Variants in ROR1 observed in about 807,000 individuals in gnomAD.
The protein encoded by ROR1 is ROR family WNT receptor 1.
Under a neutral mutation model 78.8 loss-of-function variants are expected in ROR1, and 19 were observed. That is an observed-to-expected ratio of 0.24 (90% CI 0.17 to 0.35). ROR1 has a LOEUF of 0.35. Among genes scored for constraint, ROR1 ranks in the 10% least tolerant of loss-of-function variants. The pLI is 1.00. For missense variants in ROR1, 917 were observed against 1,177.8 expected (o/e 0.78, Z 3.24); for synonymous variants, 386 against 433.6 (o/e 0.89, Z 1.36).
intron 1 of ROR1, among the ~76,000 whole-genome samples, chr1:63,794,007 G>A (rs1241955029): frequency 6.6e-6 from 1 of 152,180 alleles, no homozygotes; most frequent in Admixed American, 6.5e-5. Flanking sequence ...ATGCAGTTAG[G>A]TAAAGGCAAG....
intron 4 of ROR1, among the ~76,000 whole-genome samples, chr1:64,091,473 A>G (rs747612669): frequency 3.3e-5 from 5 of 152,176 alleles, no homozygotes; most frequent in Non-Finnish European, 4.4e-5. Context: ...TTGCTGATGT[A>G]GAGGAAAAAG....
At chr1:63,856,608 T>A (rs1645150612) in intron 1 of ROR1, among the ~76,000 whole-genome samples, 1 of 152,164 alleles carries the variant, frequency 6.6e-6, no homozygotes, top group Admixed American at 6.5e-5. Flanking sequence ...GGCAGTTCAC[T>A]GAGCTCTGCC....
intron 4 of ROR1, among the ~76,000 whole-genome samples, chr1:64,072,249 C>T (rs1396531923): frequency 1.3e-5 from 2 of 152,166 alleles, no homozygotes; most frequent in Non-Finnish European, 2.9e-5. Flanking sequence ...TGGCATATGA[C>T]AAGTCCTTGA....
intron 2 of ROR1, among the ~76,000 whole-genome samples, chr1:64,023,428 AAG>A (rs1301212596): frequency 6.6e-6 from 1 of 152,172 alleles, no homozygotes; most frequent in Non-Finnish European, 1.5e-5. Context: ...TAATAGCAGG[AAG>A]AGAGATGGCT....
chr1:63,975,593 T>C (rs551128197), intron 1 of ROR1, among the ~76,000 whole-genome samples: 9 of 152,150 alleles, frequency 5.9e-5, no homozygotes, highest in African/African-American at 1.9e-4. Flanking sequence ...AACAGAAAAA[T>C]CATGGGATGC....
chr1:64,116,348 G>A (rs1019692832), intron 4 of ROR1, among the ~76,000 whole-genome samples: 1 of 152,154 alleles, frequency 6.6e-6, no homozygotes, highest in Non-Finnish European at 1.5e-5. Context: ...TATGCCTGGC[G>A]AATGTGCACA....
chr1:63,850,046 T>C (rs1645104386), intron 1 of ROR1, among the ~76,000 whole-genome samples: 1 of 152,248 alleles, frequency 6.6e-6, no homozygotes. Flanking sequence ...CATGTTTTTA[T>C]ATTTTTGCTC....
At chr1:64,100,180 A>AT (rs398053059) in intron 4 of ROR1, among the ~76,000 whole-genome samples, 1 of 151,640 alleles carries the variant, frequency 6.6e-6, no homozygotes, top group East Asian at 1.9e-4. Context: ...TTGATTTGGT[A>AT]TTTTTTTTAA....
chr1:64,081,331 AG>A (rs1647100013), intron 4 of ROR1, among the ~76,000 whole-genome samples: 1 of 152,228 alleles, frequency 6.6e-6, no homozygotes, highest in African/African-American at 2.4e-5. Flanking sequence ...TTATGTACAA[AG>A]TTACTTATTG....
intron 1 of ROR1, among the ~76,000 whole-genome samples, chr1:63,980,480 C>T (rs532429083): frequency 5.8e-4 from 89 of 152,306 alleles, no homozygotes; most frequent in African/African-American, 1.9e-3. Flanking sequence ...ATTCTCCAAA[C>T]ATCCTGCTTT....
intron 2 of ROR1, among the ~76,000 whole-genome samples, chr1:64,030,670 A>ATTTTAGT (rs1569579683): frequency 6.6e-6 from 1 of 152,146 alleles, no homozygotes; most frequent in East Asian, 1.9e-4. Context: ...TATAACTAAT[A>ATTTTAGT]TTTTAGTTTT....
intron 1 of ROR1, among the ~76,000 whole-genome samples, chr1:63,879,960 TCTTTC>T (rs1472843281): frequency 1.3e-5 from 2 of 152,116 alleles, no homozygotes; most frequent in African/African-American, 4.8e-5. Flanking sequence ...GGAGTGAGGA[TCTTTC>T]CTTTATGAAA....
At chr1:64,005,627 T>C (rs80317064) in intron 1 of ROR1, among the ~76,000 whole-genome samples, 7,034 of 152,206 alleles carry the variant, frequency 0.046, 549 homozygotes, top group African/African-American at 0.16. Flanking sequence ...GGCCATGGAA[T>C]TGATGGAGTT....
chr1:63,778,491 C>A (rs188460601), intron 1 of ROR1, among the ~76,000 whole-genome samples: 79 of 152,262 alleles, frequency 5.2e-4, no homozygotes, highest in African/African-American at 1.8e-3. Flanking sequence ...ATGGAGGCCC[C>A]ACTTCTCACC....
rs926285922 is a variant in ROR1, at chr1:63,774,764, G to T, written c.91+256G>T. Among the ~76,000 whole-genome samples, 1 of 151,938 alleles carries T rather than the reference G, an allele frequency of 6.6e-6. No individual in the cohort carries two copies. Among genetic ancestry groups the T allele is most frequent in the African/African-American group, 2.4e-5 (1 of 41,430 alleles). On this transcript the variant is annotated intron_variant, in intron 1 of 8. Coordinates refer to ENST00000371079, the MANE Select transcript of ROR1 (RefSeq NM_005012.4). This position sits in a 1 kb window ranked among gnomAD's most constrained non-coding sequence, Gnocchi z 5.7. ...CGTTCCTCGGTGCGCAGCAGCGATT[G>T]TCAGCGCTGACAGGAAGCGTGGAGG...
At chr1:63,960,324 G>C (rs546466504) in intron 1 of ROR1, among the ~76,000 whole-genome samples, 1 of 152,142 alleles carries the variant, frequency 6.6e-6, no homozygotes, top group Admixed American at 6.5e-5. Flanking sequence ...TCCTTACTTC[G>C]TCGAAGCACG....
At chr1:63,884,629 T>G (rs970461586) in intron 1 of ROR1, among the ~76,000 whole-genome samples, 1 of 152,176 alleles carries the variant, frequency 6.6e-6, no homozygotes, top group Non-Finnish European at 1.5e-5. Flanking sequence ...ATGAATATAT[T>G]TATTTATTCA....
chr1:64,173,370 C>G (rs1228415449), intron 8 of ROR1, among the ~76,000 whole-genome samples: 1 of 152,188 alleles, frequency 6.6e-6, no homozygotes, highest in Non-Finnish European at 1.5e-5. Flanking sequence ...GTAAAATCTA[C>G]TTTCTTTCAT....
chr1:63,802,663 G>C (rs602353), intron 1 of ROR1, among the ~76,000 whole-genome samples: 46,318 of 152,036 alleles, frequency 0.3, 8,934 homozygotes, highest in African/African-American at 0.55. Context: ...GCAGTGATGA[G>C]ACTTTGATTT....
Sources: allele counts gnomAD v4.1 joint callset (sites outside exome capture counted in the v4.1 genomes callset), GRCh38; gene constraint gnomAD v4.1.1; non-coding constraint Gnocchi (gnomAD v3.1); transcripts MANE v1.5; gene names NCBI Gene and HGNC (gene_info 2026-07-23, HGNC 2026-07-21).